Variants in MYO16 observed in about 807,000 individuals in gnomAD.
MYO16 encodes unconventional myosin-XVI.
A neutral mutation model predicts 205.3 loss-of-function variants in MYO16; 94 were observed. That is an observed-to-expected ratio of 0.46 (90% CI 0.39 to 0.54). The LOEUF is 0.54. Ranked by LOEUF, MYO16 falls within the 20% of genes least tolerant of loss-of-function variation. MYO16 has a pLI of 0.00. For synonymous variants in MYO16, 988 were observed against 954.0 expected (o/e 1.04, Z -0.66); for missense variants, 2,315 against 2,387.5 (o/e 0.97, Z 0.63).
At chr13:109,199,171 G>A (rs961320715) in intron 34 of MYO16, among the ~76,000 whole-genome samples, 1 of 121,420 alleles carries the variant, frequency 8.2e-6, no homozygotes, top group African/African-American at 3.0e-5. Context: ...CCTTTCTCAA[G>A]TAAATGGTTT....
At chr13:108,847,981 C>T (rs561675742) in intron 10 of MYO16, among the ~76,000 whole-genome samples, 1 of 152,106 alleles carries the variant, frequency 6.6e-6, no homozygotes, top group Non-Finnish European at 1.5e-5. Context: ...GAAGTTATGA[C>T]AGCCTGGAGT....
intron 14 of MYO16, among the ~76,000 whole-genome samples, chr13:108,894,782 A>T (rs1050869835): frequency 1.3e-5 from 2 of 152,158 alleles, no homozygotes; most frequent in Non-Finnish European, 2.9e-5. Context: ...ATCACCACAG[A>T]CATGGCTTTG....
At chr13:108,914,197 A>G (rs1158569409) in intron 16 of MYO16, among the ~76,000 whole-genome samples, 1 of 149,032 alleles carries the variant, frequency 6.7e-6, no homozygotes, top group Non-Finnish European at 1.5e-5. Flanking sequence ...TATATCTACT[A>G]TTGTTAATAA....
At chr13:108,913,149 G>A (rs7981380) in intron 16 of MYO16, among the ~76,000 whole-genome samples, 31,824 of 152,016 alleles carry the variant, frequency 0.21, 4,011 homozygotes, top group East Asian at 0.67. Flanking sequence ...GAATAATTCA[G>A]TTCTCTTGGA....
intron 1 of MYO16, 117 bp downstream of exon 1, chr13:108,629,989 G>T: frequency 1.3e-6 from 1 of 743,824 alleles, no homozygotes; most frequent in Non-Finnish European, 2.1e-6. Flanking sequence ...GAGTGACATA[G>T]ACTGGTGACT....
intron 23 of MYO16, among the ~76,000 whole-genome samples, chr13:109,023,295 CAGATAT>C (rs1275870633): frequency 3.9e-5 from 3 of 77,316 alleles, no homozygotes; most frequent in Non-Finnish European, 6.7e-5. Context: ...ATATATTATA[CAGATAT>C]AAATATATAT....
chr13:108,667,898 A>T (rs548559581), intron 2 of MYO16, among the ~76,000 whole-genome samples: 1 of 152,152 alleles, frequency 6.6e-6, no homozygotes, highest in East Asian at 1.9e-4. Flanking sequence ...ATTTTTTAAA[A>T]TTAGCTGGAC....
At chr13:108,684,784 G>C (rs1882605761) in intron 2 of MYO16, among the ~76,000 whole-genome samples, 1 of 152,138 alleles carries the variant, frequency 6.6e-6, no homozygotes, top group Non-Finnish European at 1.5e-5. Flanking sequence ...TGAACTATGG[G>C]GTTTAGAGAG....
intron 16 of MYO16, among the ~76,000 whole-genome samples, chr13:108,928,331 C>T (rs959861921): frequency 4.6e-5 from 7 of 152,160 alleles, no homozygotes; most frequent in African/African-American, 4.8e-5. Context: ...AATATGGTTA[C>T]GGCACTGTGT....
At chr13:108,984,949 C>G (rs926425173) in intron 20 of MYO16, among the ~76,000 whole-genome samples, 14 of 152,146 alleles carry the variant, frequency 9.2e-5, no homozygotes, top group African/African-American at 3.1e-4. Context: ...CACAGACAGA[C>G]AGTAAGGAAA....
chr13:108,656,349 C>T (rs895594873), intron 1 of MYO16, among the ~76,000 whole-genome samples: 10 of 152,154 alleles, frequency 6.6e-5, no homozygotes, highest in Non-Finnish European at 1.3e-4. Context: ...CCTTTTGCCT[C>T]CTGCCATGAT....
At chr13:108,656,189 C>T (rs1005486331) in intron 1 of MYO16, among the ~76,000 whole-genome samples, 10 of 152,054 alleles carry the variant, frequency 6.6e-5, no homozygotes, top group Non-Finnish European at 1.3e-4. Context: ...GTGGGAGGCA[C>T]CCAGTTGGAG....
chr13:108,752,808 A>ATCTTT (rs751233713), intron 4 of MYO16, among the ~76,000 whole-genome samples: 2,460 of 90,586 alleles, frequency 0.027, 465 homozygotes, highest in Non-Finnish European at 0.034. Flanking sequence ...TGCCCAGCTA[A>ATCTTT]TTTTTTTTTT....
intron 1 of MYO16, among the ~76,000 whole-genome samples, chr13:108,636,076 T>A (rs1279650621): frequency 6.6e-6 from 1 of 152,008 alleles, no homozygotes; most frequent in South Asian, 2.1e-4. Context: ...GCATGCACAA[T>A]ACCTACTGAA....
upstream of MYO16, among the ~76,000 whole-genome samples, chr13:108,594,596 A>G (rs969372708): frequency 5.9e-5 from 9 of 152,220 alleles, no homozygotes; most frequent in African/African-American, 2.2e-4. Context: ...ATTGGCCTCA[A>G]CTGACCTGCA....
chr13:109,011,689 A>G (rs921935050), intron 22 of MYO16, among the ~76,000 whole-genome samples: 7 of 151,282 alleles, frequency 4.6e-5, no homozygotes, highest in African/African-American at 1.7e-4. Flanking sequence ...TAATTTTTGT[A>G]GTTTTAGTAG....
At chr13:109,164,438 G>A (rs1465396480) in intron 32 of MYO16, among the ~76,000 whole-genome samples, 3 of 152,202 alleles carry the variant, frequency 2.0e-5, no homozygotes, top group African/African-American at 4.8e-5. Context: ...TTGAAGTTCA[G>A]TATTCCAACA....
intron 4 of MYO16, among the ~76,000 whole-genome samples, chr13:108,738,296 G>A (rs1036160084): frequency 6.6e-5 from 10 of 152,068 alleles, no homozygotes; most frequent in East Asian, 1.9e-4. Context: ...CCCTCTACAC[G>A]CTGCTTTAAA....
At chr13:108,580,415 C>G in the MYO16 span, among the ~76,000 whole-genome samples, 6 of 152,208 alleles carry the variant, frequency 3.9e-5, no homozygotes, top group Non-Finnish European at 7.3e-5. Context: ...TATCCTCCTA[C>G]TAGCTGGACA....
Sources: gnomAD v4.1 joint callset for allele counts (sites outside exome capture counted in the v4.1 genomes callset) on GRCh38, gnomAD v4.1.1 for gene constraint, MANE v1.5 for transcripts, NCBI Gene and HGNC (gene_info 2026-07-23, HGNC 2026-07-21) for gene names.